FMO5: variants seen among roughly 807,000 people sequenced by gnomAD.
The protein encoded by FMO5 is flavin containing dimethylaniline monoxygenase 5.
A neutral mutation model predicts 43.6 loss-of-function variants in FMO5; 51 were observed. The ratio of observed to expected loss-of-function variants is 1.17; its 90% CI spans 0.93 to 1.48. The LOEUF is 1.48. Among genes scored for constraint, FMO5 ranks in the 40% most tolerant of loss-of-function variants. The pLI, the probability that FMO5 is intolerant of heterozygous loss-of-function variation, is 0.00. For synonymous variants in FMO5, 187 were observed against 216.5 expected, an observed-to-expected ratio of 0.86 and a Z score of 1.20; for missense variants, 644 against 643.0, an observed-to-expected ratio of 1.00 and a Z score of -0.02.
intron 7 of FMO5, among the ~76,000 whole-genome samples, 198 bp from the exon 8 acceptor site, chr1:147,190,447 CTTT>C (rs1365682835): frequency 6.6e-6 from 1 of 152,130 alleles, no homozygotes; most frequent in East Asian, 1.9e-4. Context: ...ACTTATTCTT[CTTT>C]GTCTTTGGAA....
Position 147,201,442 on chromosome 1 carries a change from A to T in FMO5, c.893T>A (p.Val298Glu). ...DLPNRIISGL[V>E]KVKGNVKEFT... ...TTCCTTCACATTTCCTTTCACTTTC[A>T]CCAAGCCAGAAATGATACGATTTGG... The change falls in exon 7 of 9, where the codon GTG becomes GAG. Residue 298 changes from valine (V) to glutamate (E), a missense_variant. Physicochemically the swap from Val to Glu is moderately radical, Grantham distance 121 (BLOSUM62 -2). Coordinates refer to ENST00000254090, the MANE Select transcript of FMO5 (RefSeq NM_001461.4). 2.5e-6 allele frequency: 4 copies of T among 1,613,970 alleles called. No individual in the cohort carries two copies. Among genetic ancestry groups the T allele is most frequent in the Non-Finnish European group, 2.5e-6 (3 of 1,179,990 alleles).
chr1:147,218,220 A>G (rs1052549916), intron 2 of FMO5, among the ~76,000 whole-genome samples: 1 of 148,428 alleles, frequency 6.7e-6, no homozygotes, highest in Non-Finnish European at 1.5e-5. Context: ...GGTTTAGTAA[A>G]TTATAGTATC....
At chr1:147,197,553 A>T (rs1018966645) in intron 7 of FMO5, among the ~76,000 whole-genome samples, 5 of 151,968 alleles carry the variant, frequency 3.3e-5, no homozygotes, top group Admixed American at 6.5e-5. Context: ...TGCTGTTCTC[A>T]TGATACTGAG....
At chr1:147,205,170 T>G (rs782449953) in intron 6 of FMO5, among the ~76,000 whole-genome samples, 1 of 152,222 alleles carries the variant, frequency 6.6e-6, no homozygotes, top group Non-Finnish European at 1.5e-5. Flanking sequence ...TATCTCCTAT[T>G]ATTCAACAAA....
chr1:147,216,928 C>T (rs1662085625), intron 2 of FMO5, among the ~76,000 whole-genome samples: 1 of 152,178 alleles, frequency 6.6e-6, no homozygotes, highest in South Asian at 2.1e-4. Flanking sequence ...CTACAACAAA[C>T]TTCTTTGCAT....
intron 7 of FMO5, among the ~76,000 whole-genome samples, chr1:147,193,031 G>A (rs1234388810): frequency 6.6e-6 from 1 of 152,150 alleles, no homozygotes; most frequent in Non-Finnish European, 1.5e-5. Flanking sequence ...CATAAAATGA[G>A]TTAGGGAAGA....
At chr1:147,198,626 G>A (rs587724367) in intron 7 of FMO5, among the ~76,000 whole-genome samples, 4 of 151,902 alleles carry the variant, frequency 2.6e-5, no homozygotes, top group African/African-American at 7.2e-5. Flanking sequence ...TGAGGCAGGC[G>A]GATCACGAGG....
In FMO5 at chr1:147,201,477, AT is replaced by A. The variant is rs782800523; in HGVS notation, c.857del (p.Asn286MetfsTer13). The A allele has an allele frequency of 1.9e-6, 3 of 1,613,978 alleles. No individual in the cohort carries two copies. The highest frequency in any genetic ancestry group is 2.5e-6 in the Non-Finnish European group (3 of 1,179,936). ...AAATGATACGATTTGGCAGGTCATC[AT>A]TTAAGGTTGGATGCTGACTCAGAGC... is the stretch of plus-strand genomic sequence containing the variant. The part of the protein sequence containing the change: ...HRALSQHPTL[N>X]DDLPNRIISG... On this transcript the variant is annotated frameshift_variant, in exon 7 of 9. Coordinates refer to ENST00000254090, the MANE Select transcript of FMO5 (RefSeq NM_001461.4). LOFTEE classifies it high-confidence loss of function.
chr1:147,226,107 C>CTTT (rs3028896), upstream of FMO5, among the ~76,000 whole-genome samples: 1,870 of 147,718 alleles, frequency 0.013, 25 homozygotes, highest in African/African-American at 0.025. Flanking sequence ...ATTTATCTTA[C>CTTT]TTTTTTTTTT....
intron 3 of FMO5, 134 bp from the exon 4 acceptor site, chr1:147,213,604 A>C: frequency 2.9e-6 from 2 of 693,808 alleles, no homozygotes; most frequent in Non-Finnish European, 4.4e-6. Context: ...TTCATACTCC[A>C]CAAATAAGAA....
At chr1:147,207,228 A>G (rs1280874826) in intron 6 of FMO5, among the ~76,000 whole-genome samples, 2 of 152,172 alleles carry the variant, frequency 1.3e-5, no homozygotes, top group African/African-American at 4.8e-5. Flanking sequence ...GGTTTCAGAA[A>G]AAAATGTACT....
At chr1:147,224,312 GA>G in intron 2 of FMO5, 1 of 176,948 alleles carries the variant, frequency 5.7e-6, no homozygotes, top group Non-Finnish European at 1.2e-5. Context: ...CACCAAAGTG[GA>G]AAAGGGAAAG....
chr1:147,208,738 C>T, intron 6 of FMO5, 114 bp downstream of exon 6: 1 of 836,410 alleles, frequency 1.2e-6, no homozygotes, highest in Non-Finnish European at 1.9e-6. Context: ...CATGCCCAGC[C>T]ACTGTGGGTT....
At chr1:147,222,798 A>T (rs1553926576) in intron 2 of FMO5, among the ~76,000 whole-genome samples, 1 of 152,230 alleles carries the variant, frequency 6.6e-6, no homozygotes, top group African/African-American at 2.4e-5. Flanking sequence ...TTTAAACCAC[A>T]TTGGAGATAA....
rs190277755 is a variant in FMO5, at chr1:147,195,379, C to T, written c.1184-5130G>A. On this transcript the variant is annotated intron_variant, in intron 7 of 8. Transcript: ENST00000254090. Reference sequence around the variant, plus strand: ...AACTCCTGACCTCAGATGATCCACCCGTCTCTGCATCCCAAGGTGCTGGGA... The same window carrying T: ...AACTCCTGACCTCAGATGATCCACCTGTCTCTGCATCCCAAGGTGCTGGGA... Among the ~76,000 whole-genome samples, 98 of 152,150 alleles carry T rather than the reference C, an allele frequency of 6.4e-4. 1 individual carries two copies. Among genetic ancestry groups the T allele is most frequent in the African/African-American group, 2.2e-3 (92 of 41,478 alleles).
At chr1:147,202,201 G>A (rs1037049680) in intron 6 of FMO5, among the ~76,000 whole-genome samples, 2 of 151,640 alleles carry the variant, frequency 1.3e-5, no homozygotes, top group African/African-American at 4.9e-5. Context: ...CGTAGGATAC[G>A]GATACTGGAA....
chr1:147,198,645 T>C (rs1183308155), intron 7 of FMO5, among the ~76,000 whole-genome samples: 2 of 151,604 alleles, frequency 1.3e-5, no homozygotes, highest in African/African-American at 2.4e-5. Flanking sequence ...GGTCAAGAGA[T>C]GGAGACCATC....
At chr1:147,220,322 CT>C (rs1421553731) in intron 2 of FMO5, among the ~76,000 whole-genome samples, 1 of 152,146 alleles carries the variant, frequency 6.6e-6, no homozygotes, top group African/African-American at 2.4e-5. Flanking sequence ...GAGAGATATT[CT>C]GATTCATAGA....
downstream of FMO5, chr1:147,184,718 A>T: frequency 7.5e-7 from 1 of 1,338,216 alleles, no homozygotes; most frequent in South Asian, 2.1e-5. The surrounding 1 kb of genome is among the most constrained non-coding windows in gnomAD (Gnocchi z 4.4). Flanking sequence ...TATCAGTGTG[A>T]CTTATTACTG....
Sources: gnomAD v4.1 joint callset for allele counts (sites outside exome capture counted in the v4.1 genomes callset) on GRCh38, gnomAD v4.1.1 for gene constraint, Gnocchi (gnomAD v3.1) non-coding constraint, MANE v1.5 for transcripts, NCBI Gene and HGNC (gene_info 2026-07-23, HGNC 2026-07-21) for gene names.